The following GLI3 variants were observed in gnomAD, a reference collection of about 807,000 sequenced individuals.
GLI3 encodes the protein transcription activator GLI3.
A neutral mutation model predicts 100.8 loss-of-function variants in GLI3; 20 were observed. The observed-to-expected ratio is 0.20, with a 90% CI of 0.14 to 0.29. The LOEUF is 0.29. GLI3 is among the 10% of genes least tolerant of loss of function. GLI3 has a pLI of 1.00. For missense variants in GLI3, 2,040 were observed against 2,128.5 expected (o/e 0.96, Z 0.82); for synonymous variants, 938 against 860.5 (o/e 1.09, Z -1.58).
At chr7:42,068,699 G>A (rs1784724981) in intron 4 of GLI3, among the ~76,000 whole-genome samples, 1 of 152,180 alleles carries the variant, frequency 6.6e-6, no homozygotes, top group African/African-American at 2.4e-5. Context: ...CCCGAGGAAA[G>A]GTCTGAAATG....
chr7:42,221,709 T>C (rs1412627003), intron 2 of GLI3, among the ~76,000 whole-genome samples: 1 of 152,214 alleles, frequency 6.6e-6, no homozygotes, highest in Non-Finnish European at 1.5e-5. Flanking sequence ...ATTCTATTTC[T>C]GAAATAATAA....
chr7:42,004,227 T>A (rs918623269), intron 10 of GLI3, among the ~76,000 whole-genome samples: 5 of 152,178 alleles, frequency 3.3e-5, no homozygotes, highest in African/African-American at 1.2e-4. Flanking sequence ...ACTGGTGTTA[T>A]ACAACCAACA....
chr7:42,009,686 G>C (rs925359090), intron 10 of GLI3, among the ~76,000 whole-genome samples: 1 of 152,078 alleles, frequency 6.6e-6, no homozygotes, highest in Non-Finnish European at 1.5e-5. Context: ...CAGGAGAACG[G>C]GTCTCATCGG....
chr7:42,180,034 T>A (rs916804344), intron 2 of GLI3, among the ~76,000 whole-genome samples: 1 of 152,160 alleles, frequency 6.6e-6, no homozygotes, highest in South Asian at 2.1e-4. Flanking sequence ...TAAAACTGGC[T>A]GCGAGCTCCC....
chr7:42,123,026 C>T (rs1414467033), intron 3 of GLI3, among the ~76,000 whole-genome samples: 1 of 152,188 alleles, frequency 6.6e-6, no homozygotes, highest in African/African-American at 2.4e-5. Context: ...TTATGGTTAT[C>T]ACAAGTGCTA....
intron 3 of GLI3, among the ~76,000 whole-genome samples, chr7:42,104,170 T>C (rs565241885): frequency 6.3e-4 from 96 of 152,294 alleles, no homozygotes; most frequent in African/African-American, 2.2e-3. Context: ...TAGTTAGGAA[T>C]CTATCATCTT....
intron 3 of GLI3, among the ~76,000 whole-genome samples, chr7:42,080,475 C>A (rs186686615): frequency 6.6e-6 from 1 of 152,150 alleles, no homozygotes; most frequent in Non-Finnish European, 1.5e-5. Flanking sequence ...ACTGTTTCTA[C>A]GTTTCCCCTC....
chr7:42,152,866 A>G (rs1248492718), intron 2 of GLI3, among the ~76,000 whole-genome samples: 3 of 152,198 alleles, frequency 2.0e-5, no homozygotes, highest in African/African-American at 7.2e-5. Context: ...ATTGTAAAAT[A>G]AAGGAAGGGG....
At chr7:42,106,086 G>A (rs748905410) in intron 3 of GLI3, among the ~76,000 whole-genome samples, 18 of 152,134 alleles carry the variant, frequency 1.2e-4, no homozygotes, top group East Asian at 1.9e-4. Flanking sequence ...TGGAGCAGCC[G>A]GGCAAGCAGG....
At chr7:42,224,930 G>A (rs1047373446) in intron 1 of GLI3, among the ~76,000 whole-genome samples, 2 of 152,190 alleles carry the variant, frequency 1.3e-5, no homozygotes, top group Non-Finnish European at 1.5e-5. Context: ...TTAAGAAGGT[G>A]TTAAAAGTTA....
chr7:42,199,636 T>C (rs1406520369), intron 2 of GLI3, among the ~76,000 whole-genome samples: 1 of 152,210 alleles, frequency 6.6e-6, no homozygotes, highest in Non-Finnish European at 1.5e-5. Flanking sequence ...GTCCTCTCCT[T>C]TCACCTTAGC....
chr7:42,154,479 T>C (rs1786954611), intron 2 of GLI3, among the ~76,000 whole-genome samples: 1 of 152,240 alleles, frequency 6.6e-6, no homozygotes, highest in Non-Finnish European at 1.5e-5. Flanking sequence ...TCGCTGTGTT[T>C]GCAAAGAGCA....
chr7:42,195,923 A>T (rs994768555), intron 2 of GLI3, among the ~76,000 whole-genome samples: 22 of 152,262 alleles, frequency 1.4e-4, no homozygotes, highest in Admixed American at 1.4e-3. Context: ...TCTTGGCTCT[A>T]ACTAGAATGC....
chr7:42,050,321 A>C (rs1784329485), intron 4 of GLI3, among the ~76,000 whole-genome samples: 1 of 152,218 alleles, frequency 6.6e-6, no homozygotes. Context: ...AAACAGCTTG[A>C]GGCTTTCACA....
intron 2 of GLI3, among the ~76,000 whole-genome samples, chr7:42,203,964 ACTCC>A (rs1788098766): frequency 6.6e-6 from 1 of 152,118 alleles, no homozygotes; most frequent in Non-Finnish European, 1.5e-5. Flanking sequence ...GTGCCACCGC[ACTCC>A]AGCCTGGGGT....
chr7:42,040,658 G>A (rs1430856569), intron 6 of GLI3, among the ~76,000 whole-genome samples: 14 of 152,038 alleles, frequency 9.2e-5, no homozygotes, highest in Admixed American at 9.2e-4. Context: ...TAAGTCATGA[G>A]CCAAAGGAAG....
At chr7:42,236,168 ACT>A (rs1483598816) in intron 1 of GLI3, among the ~76,000 whole-genome samples, 3 of 150,880 alleles carry the variant, frequency 2.0e-5, no homozygotes, top group Non-Finnish European at 4.4e-5. Context: ...CGCTTCACAA[ACT>A]CTGCAAGTTT....
chr7:42,059,866 A>G (rs1386743471), intron 4 of GLI3, among the ~76,000 whole-genome samples: 1 of 152,218 alleles, frequency 6.6e-6, no homozygotes, highest in Non-Finnish European at 1.5e-5. Flanking sequence ...CTTTTCCTCC[A>G]GTGGAGCAGG....
intron 7 of GLI3, among the ~76,000 whole-genome samples, chr7:42,034,190 T>C (rs1441987936): frequency 6.6e-6 from 1 of 152,216 alleles, no homozygotes; most frequent in African/African-American, 2.4e-5. Flanking sequence ...GTATTATTAT[T>C]TCTATTATAA....
Sources: allele counts gnomAD v4.1 joint callset (sites outside exome capture counted in the v4.1 genomes callset), GRCh38; gene constraint gnomAD v4.1.1; transcripts MANE v1.5; gene names NCBI Gene and HGNC (gene_info 2026-07-23, HGNC 2026-07-21).